GALK2: variants seen among roughly 807,000 people sequenced by gnomAD.
GALK2 encodes the protein galactokinase 2, also known as N-acetylgalactosamine kinase.
Under a neutral mutation model 52.4 loss-of-function variants are expected in GALK2, and 36 were observed. That is an observed-to-expected ratio of 0.69 (90% CI 0.53 to 0.91). GALK2 has a LOEUF of 0.91. Ranked by LOEUF, GALK2 falls within the 40% of genes least tolerant of loss-of-function variation. The pLI is 0.00. For missense variants in GALK2, 579 were observed against 559.1 expected, an observed-to-expected ratio of 1.04 and a Z score of -0.36; for synonymous variants, 176 against 199.1, an observed-to-expected ratio of 0.88 and a Z score of 0.98.
intron 1 of GALK2, among the ~76,000 whole-genome samples, chr15:49,176,976 A>G (rs1439874835): frequency 6.6e-6 from 1 of 151,974 alleles, no homozygotes; most frequent in Non-Finnish European, 1.5e-5. Flanking sequence ...CAACTTTTCT[A>G]TTTCTTTATT....
In GALK2 at chr15:49,331,272, A is replaced by C. The variant is rs2038682057; in HGVS notation, c.*3113A>C. 1.3e-5 allele frequency: 2 copies of C among 153,936 alleles called. No homozygotes were observed. The highest frequency in any genetic ancestry group is 2.9e-5 in the Non-Finnish European group (2 of 69,366). 9.5% of individuals were successfully genotyped at this position (153,936 alleles called of 1,614,324 possible). A position where few individuals can be genotyped will look rare whatever the true frequency, so the allele number is the denominator to read the frequency against. The stretch of plus-strand genomic sequence containing the variant: ...AGAGAAGAAGCCCTTCAGACTTAAC[A>C]AGAATGCCCATAAGTAAAGAGAAGC... On this transcript the variant is annotated 3_prime_UTR_variant, in exon 10 of 10. Transcript: ENST00000560031.
intron 9 of GALK2, 88 bp from the exon 10 acceptor site, chr15:49,327,864 T>TTAGA (rs1335639059): frequency 6.3e-6 from 8 of 1,271,910 alleles, no homozygotes; most frequent in Admixed American, 4.7e-5. Flanking sequence ...TTCTTAGAAC[T>TTAGA]TAGATAGGCT....
intron 5 of GALK2, among the ~76,000 whole-genome samples, chr15:49,275,919 T>G (rs2031580083): frequency 6.6e-6 from 1 of 152,230 alleles, no homozygotes; most frequent in Admixed American, 6.5e-5. Context: ...ACAAGGCTTT[T>G]GTTTCCTACC....
intron 1 of GALK2, among the ~76,000 whole-genome samples, chr15:49,180,038 G>A (rs77232322): frequency 0.018 from 2,676 of 152,280 alleles, 100 homozygotes; most frequent in African/African-American, 0.062. Context: ...AGGTAGGAAT[G>A]TTGTATAGTA....
downstream of GALK2, chr15:49,335,498 T>C: frequency 6.2e-7 from 1 of 1,610,390 alleles, no homozygotes; most frequent in Admixed American, 1.7e-5. Context: ...GCAGGTAGTG[T>C]GCTAGGCTTA....
chr15:49,253,771 T>C (rs979145169), intron 5 of GALK2, among the ~76,000 whole-genome samples: 3 of 144,062 alleles, frequency 2.1e-5, no homozygotes, highest in Admixed American at 1.4e-4. Flanking sequence ...ATCAAAGAGA[T>C]ATGGAAGATT....
chr15:49,199,713 G>C (rs1462904203), intron 1 of GALK2, among the ~76,000 whole-genome samples: 1 of 152,164 alleles, frequency 6.6e-6, no homozygotes, highest in African/African-American at 2.4e-5. Context: ...TAGGATGCTG[G>C]AGCTGTTAAG....
intron 6 of GALK2, 68 bp from the exon 7 acceptor site, chr15:49,283,498 A>G: frequency 1.5e-6 from 2 of 1,352,572 alleles, no homozygotes; most frequent in Non-Finnish European, 2.1e-6. Flanking sequence ...TAAGATAAAT[A>G]CATAAACACT....
At chr15:49,209,748 G>C (rs1227285103) in intron 2 of GALK2, among the ~76,000 whole-genome samples, 1 of 152,002 alleles carries the variant, frequency 6.6e-6, no homozygotes, top group African/African-American at 2.4e-5. Context: ...ACATTTTATT[G>C]AGGATTTTTG....
At chr15:49,365,333 G>C in intron 3 of GALK2, 1 of 1,568,312 alleles carries the variant, frequency 6.4e-7, no homozygotes, top group Non-Finnish European at 8.8e-7. Context: ...AACAACAAAT[G>C]TAAGTATCAT....
At chr15:49,180,667 C>T (rs1029160056) in intron 1 of GALK2, among the ~76,000 whole-genome samples, 2 of 152,102 alleles carry the variant, frequency 1.3e-5, no homozygotes, top group South Asian at 2.1e-4. Context: ...ACTTGATATC[C>T]TCCAACCTCC....
At chr15:49,273,670 T>C (rs919302862) in intron 5 of GALK2, among the ~76,000 whole-genome samples, 1 of 152,084 alleles carries the variant, frequency 6.6e-6, no homozygotes, top group African/African-American at 2.4e-5. Context: ...CTTGGTGCCA[T>C]TTCATGGAGA....
intron 6 of GALK2, 134 bp downstream of exon 6, chr15:49,282,219 T>G: frequency 1.9e-6 from 1 of 529,270 alleles, no homozygotes; most frequent in Non-Finnish European, 3.3e-6. Context: ...TAGGATATTA[T>G]TTCCCAACTG....
chr15:49,283,033 C>T (rs1477936745), intron 6 of GALK2, among the ~76,000 whole-genome samples: 1 of 152,162 alleles, frequency 6.6e-6, no homozygotes, highest in African/African-American at 2.4e-5. Context: ...CCTCTCACCA[C>T]TTCTCACCCC....
intron 1 of GALK2, among the ~76,000 whole-genome samples, chr15:49,199,583 C>A (rs1231254943): frequency 6.6e-6 from 1 of 152,174 alleles, no homozygotes; most frequent in Non-Finnish European, 1.5e-5. Context: ...TAAATGACCT[C>A]ACCCTTTGGC....
In GALK2 at chr15:49,331,841, G is replaced by T; in HGVS notation, c.*3682G>T. ...TTCATGAGGTTTCTTGGTAGCCTTTGCTTGGAGTCTAATCATGGAATAAAG... is the reference window on the plus strand; with the variant it reads ...TTCATGAGGTTTCTTGGTAGCCTTTTCTTGGAGTCTAATCATGGAATAAAG... On this transcript the variant is annotated 3_prime_UTR_variant, in exon 10 of 10. Coordinates refer to ENST00000560031, the MANE Select transcript of GALK2 (RefSeq NM_002044.4). The T allele has an allele frequency of 1.9e-6, 3 of 1,605,948 alleles. No homozygotes were observed. Among genetic ancestry groups the T allele is most frequent in the Non-Finnish European group, 2.6e-6 (3 of 1,172,734 alleles).
In GALK2 at chr15:49,308,347, C is replaced by T. The variant is rs1049489926; in HGVS notation, c.968-11257C>T. Among the ~76,000 whole-genome samples the T allele has an allele frequency of 2.9e-4, 44 of 152,192 alleles. 1 individual carries two copies. The highest frequency in any genetic ancestry group is 2.8e-3 in the Admixed American group (43 of 15,292). On this transcript the variant is annotated intron_variant, in intron 8 of 9. Transcript: ENST00000560031. ...TTATATGATTGTGCATAGCCAGCTA[C>T]AGCCACAACTACTTTTAGCCCCTCA...
At chr15:49,246,627 A>G (rs2091364089) in intron 5 of GALK2, among the ~76,000 whole-genome samples, 1 of 152,176 alleles carries the variant, frequency 6.6e-6, no homozygotes, top group South Asian at 2.1e-4. Flanking sequence ...TCAAAAACAC[A>G]ATTTACATGA....
chr15:49,197,320 A>G (rs1330811876), intron 1 of GALK2, among the ~76,000 whole-genome samples: 1 of 152,174 alleles, frequency 6.6e-6, no homozygotes, highest in African/African-American at 2.4e-5. Flanking sequence ...GCACATCTTT[A>G]TGTTTTAATA....
Sources: allele counts gnomAD v4.1 joint callset (sites outside exome capture counted in the v4.1 genomes callset), GRCh38; gene constraint gnomAD v4.1.1; transcripts MANE v1.5; gene names NCBI Gene and HGNC (gene_info 2026-07-23, HGNC 2026-07-21).